INTS7: variants seen among roughly 807,000 people sequenced by gnomAD.
INTS7 encodes chromosome 1 open reading frame 73.
A neutral mutation model predicts 109.2 loss-of-function variants in INTS7; 46 were observed. The ratio of observed to expected loss-of-function variants is 0.42; its 90% confidence interval spans 0.33 to 0.54. The LOEUF (loss-of-function observed/expected upper bound fraction) is 0.54. Among genes scored for constraint, INTS7 ranks in the 20% least tolerant of loss-of-function variants. The pLI is 0.07. For missense variants in INTS7, 929 were observed against 1,132.4 expected (o/e 0.82, Z 2.58); for synonymous variants, 412 against 402.9 (o/e 1.02, Z -0.27).
At chr1:212,003,508 G>A (rs1409823663) in intron 7 of INTS7, among the ~76,000 whole-genome samples, 1 of 152,056 alleles carries the variant, frequency 6.6e-6, no homozygotes, top group East Asian at 1.9e-4. Flanking sequence ...TCTCACTCAA[G>A]GACCTTCCGA....
At chr1:212,015,777 C>T (rs537404197) in intron 4 of INTS7, among the ~76,000 whole-genome samples, 1 of 136,718 alleles carries the variant, frequency 7.3e-6, no homozygotes, top group African/African-American at 2.7e-5. Context: ...ATTTATTATT[C>T]ACCTGGTTAT....
At chr1:212,015,483 T>C (rs987543912) in intron 4 of INTS7, among the ~76,000 whole-genome samples, 2 of 151,864 alleles carry the variant, frequency 1.3e-5, no homozygotes, top group African/African-American at 4.8e-5. Context: ...CAAGATGTGT[T>C]TTGTTAAACA....
At chr1:212,005,448 T>C (rs980960952) in intron 7 of INTS7, among the ~76,000 whole-genome samples, 2 of 152,236 alleles carry the variant, frequency 1.3e-5, no homozygotes, top group African/African-American at 4.8e-5. Context: ...GGTTTTCACT[T>C]AAAAGTATTT....
chr1:211,987,966 C>A lies in INTS7; in HGVS notation c.917G>T (p.Ser306Ile), dbSNP rs1664968906. Reference protein sequence around the residue: ...CECALQTPYDSLKLGMLSVLS... With the variant: ...CECALQTPYDILKLGMLSVLS... Reference sequence around the variant, plus strand: ...GACAGACAACATCCCTAGTTTTAAGCTGTCATAAGGAGTCTGGAGGGCACA... The same window carrying A: ...GACAGACAACATCCCTAGTTTTAAGATGTCATAAGGAGTCTGGAGGGCACA... Residue 306 changes from serine to isoleucine, a missense_variant, in exon 8 of 20, where the codon AGC (serine) becomes ATC (isoleucine). Ser to Ile is a moderately radical substitution (Grantham distance 142). Transcript: ENST00000366994. The A allele has an allele frequency of 1.9e-6, 3 of 1,612,138 alleles. No homozygotes were observed. The highest frequency in any genetic ancestry group is 2.5e-6 in the Non-Finnish European group (3 of 1,178,408).
chr1:211,974,456 A>G (rs985240802), intron 13 of INTS7, among the ~76,000 whole-genome samples: 1 of 151,690 alleles, frequency 6.6e-6, no homozygotes, highest in Non-Finnish European at 1.5e-5. Context: ...ACAGGTACCA[A>G]AAGTTTTATG....
chr1:212,033,993 G>A (rs1667296136), intron 1 of INTS7, among the ~76,000 whole-genome samples: 1 of 152,092 alleles, frequency 6.6e-6, no homozygotes, highest in Non-Finnish European at 1.5e-5. Context: ...TGAGGCAGGA[G>A]AACCGTTTGA....
intron 13 of INTS7, among the ~76,000 whole-genome samples, 172 bp downstream of exon 13, chr1:211,974,994 A>T (rs1664356363): frequency 6.6e-6 from 1 of 152,202 alleles, no homozygotes; most frequent in Non-Finnish European, 1.5e-5. Flanking sequence ...AAAGTGATAA[A>T]CTTTTATCAA....
At chr1:211,953,551 T>G (rs1571844072) in intron 16 of INTS7, among the ~76,000 whole-genome samples, 1 of 85,562 alleles carries the variant, frequency 1.2e-5, no homozygotes, top group Non-Finnish European at 2.2e-5. Flanking sequence ...CCCTCCCCCC[T>G]CCCCCCACCC....
chr1:211,969,271 CG>C (rs1406661029), intron 13 of INTS7, among the ~76,000 whole-genome samples: 2 of 148,614 alleles, frequency 1.3e-5, no homozygotes, highest in African/African-American at 2.5e-5. Flanking sequence ...GGCGATAGAA[CG>C]AGACTGTCTC....
At chr1:212,026,648 G>A (rs1365301294) in intron 1 of INTS7, among the ~76,000 whole-genome samples, 1 of 152,232 alleles carries the variant, frequency 6.6e-6, no homozygotes, top group Non-Finnish European at 1.5e-5. Flanking sequence ...AGACATAGCT[G>A]AGGATGGAGG....
intron 1 of INTS7, among the ~76,000 whole-genome samples, chr1:212,032,893 A>G (rs1046467699): frequency 2.6e-5 from 4 of 152,168 alleles, no homozygotes; most frequent in Admixed American, 1.3e-4. Flanking sequence ...TTGATTGAGG[A>G]GGTCTTTCTT....
At position 211,946,578 on chromosome 1, in the gene INTS7, T is replaced by C. The variant is rs747177685; in HGVS notation, c.2415+29A>G. The C allele has an allele frequency of 7.5e-7, 1 of 1,334,712 alleles. No homozygotes were observed. Among genetic ancestry groups the C allele is most frequent in the South Asian group, 1.2e-5 (1 of 84,440 alleles). 82.7% of individuals were successfully genotyped at this position (1,334,712 alleles called of 1,614,324 possible). A position where few individuals can be genotyped will look rare whatever the true frequency, so the allele number is the denominator to read the frequency against. ...AGAAGACACCTGGTTTTAAAACCTA[T>C]ATTAACCTTAGTATTCTTCCTGTAT... On this transcript the variant is annotated intron_variant, in intron 18 of 19. Transcript: ENST00000366994. This position sits in a 1 kb window ranked among gnomAD's most constrained non-coding sequence, Gnocchi z 4.3.
chr1:211,981,787 A>G (rs1238083455), intron 9 of INTS7, among the ~76,000 whole-genome samples: 1 of 152,222 alleles, frequency 6.6e-6, no homozygotes, highest in African/African-American at 2.4e-5. Context: ...TGAATATATT[A>G]GTTACCTTTA....
intron 8 of INTS7, among the ~76,000 whole-genome samples, chr1:211,986,245 T>C (rs1338893252): frequency 6.6e-6 from 1 of 152,064 alleles, no homozygotes; most frequent in Non-Finnish European, 1.5e-5. Context: ...GAGGCCGTCT[T>C]AGACCATCCA....
At chr1:211,953,746 C>T (rs1411389054) in intron 16 of INTS7, among the ~76,000 whole-genome samples, 1 of 151,258 alleles carries the variant, frequency 6.6e-6, no homozygotes, top group African/African-American at 2.4e-5. Flanking sequence ...TTTTTTATGG[C>T]TGCATAGTAT....
intron 7 of INTS7, among the ~76,000 whole-genome samples, chr1:211,994,824 C>T (rs1310594726): frequency 6.8e-6 from 1 of 146,194 alleles, no homozygotes; most frequent in Non-Finnish European, 1.5e-5. Flanking sequence ...CCATAAGAAA[C>T]ATAAATCAGA....
intron 7 of INTS7, among the ~76,000 whole-genome samples, chr1:211,990,773 T>C (rs1212223691): frequency 6.6e-6 from 1 of 152,032 alleles, no homozygotes; most frequent in Non-Finnish European, 1.5e-5. Flanking sequence ...TTCAAAAGGA[T>C]AGAGGCTAAG....
intron 15 of INTS7, 67 bp downstream of exon 15, chr1:211,967,811 G>T: frequency 1.3e-6 from 1 of 794,620 alleles, no homozygotes; most frequent in South Asian, 1.6e-5. Flanking sequence ...AAGCATATCT[G>T]AGGTAGTCCG....
intron 16 of INTS7, among the ~76,000 whole-genome samples, chr1:211,955,795 G>A (rs1663336601): frequency 6.6e-6 from 1 of 152,160 alleles, no homozygotes; most frequent in Non-Finnish European, 1.5e-5. Context: ...TCACTGAGAT[G>A]ACATACATTC....
Sources: allele counts gnomAD v4.1 joint callset (sites outside exome capture counted in the v4.1 genomes callset), GRCh38; gene constraint gnomAD v4.1.1; non-coding constraint Gnocchi (gnomAD v3.1); transcripts MANE v1.5; gene names NCBI Gene and HGNC (gene_info 2026-07-23, HGNC 2026-07-21).